ADRA2A: variants seen among roughly 807,000 people sequenced by gnomAD.
ADRA2A encodes adrenoceptor alpha 2A, also known as alpha-2A adrenergic receptor.
A neutral mutation model predicts 5.9 loss-of-function variants in ADRA2A; 6 were observed. The ratio of observed to expected loss-of-function variants is 1.01; its 90% confidence interval spans 0.55 to 2.00. The LOEUF (loss-of-function observed/expected upper bound fraction) is 2.00, where lower values mean the gene tolerates loss of function less well. ADRA2A is among the 30% of genes most tolerant of loss of function. The pLI, the probability that ADRA2A is intolerant of heterozygous loss-of-function variation, is 0.00. For missense variants in ADRA2A, 647 were observed against 690.0 expected, an observed-to-expected ratio of 0.94 and a Z score of 0.70; for synonymous variants, 345 against 325.9, an observed-to-expected ratio of 1.06 and a Z score of -0.63.
chr10:111,079,103 C>A lies in ADRA2A; in HGVS notation c.1107C>A (p.Val369=). The A allele has an allele frequency of 6.4e-7, 1 of 1,558,932 alleles. No individual in the cohort carries two copies. Among genetic ancestry groups the A allele is most frequent in the South Asian group, 1.2e-5 (1 of 83,582 alleles). Residue 369 remains valine, a synonymous_variant, in exon 1 of 1, where the codon GTC becomes GTA. Transcript: ENST00000280155. Reference sequence around the variant, plus strand: ...CTGCAGGGCCGGGGGAGGAGCGCGTCGGGGCTGCCAAGGCGTCGCGCTGGC... The same window carrying A: ...CTGCAGGGCCGGGGGAGGAGCGCGTAGGGGCTGCCAAGGCGTCGCGCTGGC... The part of the protein sequence containing the change: ...TPAAGPGEER[V]GAAKASRWRG...
At position 111,078,212 on chromosome 10, in the gene ADRA2A, C is replaced by G. The variant is rs1485132171; in HGVS notation, c.216C>G (p.Ala72=). Residue 72 remains alanine (A), a synonymous_variant, in exon 1 of 1, where the codon GCC becomes GCG. Transcript: ENST00000280155. The part of the protein sequence containing the change: ...TVFGNVLVII[A]VFTSRALKAP... ...TCGGCAACGTGCTCGTCATCATCGC[C>G]GTGTTCACGAGCCGCGCGCTCAAGG... 7 of 1,613,398 alleles carry G rather than the reference C, an allele frequency of 4.3e-6. No individual in the cohort carries two copies. In the East Asian group the frequency reaches 8.9e-5, roughly 21 times the overall value.
In ADRA2A at chr10:111,078,919, TG is replaced by T; in HGVS notation, c.925del (p.Glu309ArgfsTer33). 1.6e-6 allele frequency: 2 copies of T among 1,232,308 alleles called. No individual in the cohort carries two copies. The highest frequency in any genetic ancestry group is 1.0e-6 in the Non-Finnish European group (1 of 987,900). The allele number at this position is 1,232,308 out of a possible 1,614,324, so 76.3% of individuals were successfully genotyped here. On this transcript the variant is annotated frameshift_variant, in exon 1 of 1. Transcript: ENST00000280155. LOFTEE classifies it low-confidence loss of function (END_TRUNC). ...CCGCGCGACACCGACGCGCTGGACCTGGAGGAGAGCTCGTCTTCCGACCACG... is the reference window on the plus strand; with the variant it reads ...CCGCGCGACACCGACGCGCTGGACCTGAGGAGAGCTCGTCTTCCGACCACG... ...AGPRDTDALDLEESSSSDHAE... is the reference protein window; with the variant it reads ...AGPRDTDALDXEESSSSDHAE...
In ADRA2A at chr10:111,079,364, C is replaced by T; in HGVS notation, c.1368C>T (p.Leu456=). 6.2e-7 allele frequency: 1 copy of T among 1,614,098 alleles called. No individual in the cohort carries two copies. Among genetic ancestry groups the T allele is most frequent in the Non-Finnish European group, 8.5e-7 (1 of 1,180,028 alleles). The change falls in exon 1 of 1, where the codon CTC becomes CTT. Residue 456 remains leucine (L), a synonymous_variant. Coordinates refer to ENST00000280155, the MANE Select transcript of ADRA2A (RefSeq NM_000681.4). ...HDFRRAFKKI[L]CRGDRKRIV is the part of the protein sequence containing the mutation. ...TCCGCCGCGCCTTCAAGAAGATCCT[C>T]TGTCGGGGGGACAGGAAGCGGATCG...
rs199567917 is a variant in ADRA2A, at chr10:111,079,268, A to G, written c.1272A>G (p.Lys424=). 8,676 of 1,614,066 alleles carry G rather than the reference A, an allele frequency of 5.4e-3. 438 individuals carry two copies. In the South Asian group the frequency reaches 0.088, roughly 16 times the overall value. ...VGCSVPRTLF[K]FFFWFGYCNS... ...GCTCCGTGCCACGCACGCTCTTCAAATTCTTCTTCTGGTTCGGCTACTGCA... is the reference window on the plus strand; with the variant it reads ...GCTCCGTGCCACGCACGCTCTTCAAGTTCTTCTTCTGGTTCGGCTACTGCA... The change falls in exon 1 of 1, where the codon AAA becomes AAG. Residue 424 remains lysine, a synonymous_variant. Coordinates refer to ENST00000280155, the MANE Select transcript of ADRA2A (RefSeq NM_000681.4).
chr10:111,078,632 C>T lies in ADRA2A; in HGVS notation c.636C>T (p.Val212=). ...RCEINDQKWY[V]ISSCIGSFFA... is the part of the protein sequence containing the mutation. Reference sequence around the variant, plus strand: ...AGATCAACGACCAGAAGTGGTACGTCATCTCGTCGTGCATCGGCTCCTTCT... The same window carrying T: ...AGATCAACGACCAGAAGTGGTACGTTATCTCGTCGTGCATCGGCTCCTTCT... Residue 212 remains valine, a synonymous_variant, in exon 1 of 1, where the codon GTC becomes GTT. Transcript: ENST00000280155. 6.3e-7 allele frequency: 1 copy of T among 1,591,788 alleles called. No individual in the cohort carries two copies. The highest frequency in any genetic ancestry group is 8.6e-7 in the Non-Finnish European group (1 of 1,168,516).
rs1285869860 is a variant in ADRA2A at position 111,079,251 on chromosome 10, C to G, written c.1255C>G (p.Pro419Ala). Residue 419 changes from proline to alanine, a missense_variant, in exon 1 of 1, where the codon CCA becomes GCA. Physicochemically the swap from Pro to Ala is conservative, Grantham distance 27. Coordinates refer to ENST00000280155, the MANE Select transcript of ADRA2A (RefSeq NM_000681.4). ...YTLTAVGCSV[P>A]RTLFKFFFWF... ...GCTCACGGCCGTCGGGTGCTCCGTG[C>G]CACGCACGCTCTTCAAATTCTTCTT... is the stretch of plus-strand genomic sequence containing the variant. The G allele has an allele frequency of 6.2e-7, 1 of 1,614,112 alleles. No homozygotes were observed. Among genetic ancestry groups the G allele is most frequent in the Admixed American group, 1.7e-5 (1 of 60,032 alleles).
In ADRA2A at chr10:111,077,620, A is replaced by C. The variant is rs765450162; in HGVS notation, c.-377A>C. ...GATACAGATATTGATATGTATATATATATTTAATTTCCTGTCATCCTTCCA... is the reference window on the plus strand; with the variant it reads ...GATACAGATATTGATATGTATATATCTATTTAATTTCCTGTCATCCTTCCA... On this transcript the variant is annotated 5_prime_UTR_variant, in exon 1 of 1. Transcript: ENST00000280155. The C allele has an allele frequency of 6.5e-6, 1 of 153,182 alleles. No individual in the cohort carries two copies. The highest frequency in any genetic ancestry group is 1.5e-5 in the Non-Finnish European group (1 of 68,608). The allele number at this position is 153,182 out of a possible 1,614,324, so 9.5% of individuals were successfully genotyped here. A position where few individuals can be genotyped will look rare whatever the true frequency, so the allele number is the denominator to read the frequency against.
At position 111,078,275 on chromosome 10, in the gene ADRA2A, C is replaced by G; in HGVS notation, c.279C>G (p.Ala93=). Residue 93 remains alanine, a synonymous_variant, in exon 1 of 1, where the codon GCC becomes GCG. Transcript: ENST00000280155. The part of the protein sequence containing the change: ...QNLFLVSLAS[A]DILVATLVIP... The stretch of plus-strand genomic sequence containing the variant: ...TCTTCCTGGTGTCTCTGGCCTCGGC[C>G]GACATCCTGGTGGCCACGCTCGTCA... 6.2e-7 allele frequency: 1 copy of G among 1,613,892 alleles called. No homozygotes were observed. The highest frequency in any genetic ancestry group is 1.1e-5 in the South Asian group (1 of 91,072).
At position 111,078,351 on chromosome 10, in the gene ADRA2A, G is replaced by T. The variant is rs758523920; in HGVS notation, c.355G>T (p.Ala119Ser). The T allele has an allele frequency of 6.2e-7, 1 of 1,613,940 alleles. No homozygotes were observed. The highest frequency in any genetic ancestry group is 1.3e-5 in the African/African-American group (1 of 74,926). The change falls in exon 1 of 1, where the codon GCT becomes TCT. Residue 119 changes from alanine (A) to serine (S), a missense_variant. Ala to Ser is a moderately conservative substitution (Grantham distance 99). Coordinates refer to ENST00000280155, the MANE Select transcript of ADRA2A (RefSeq NM_000681.4). ...CATGGGCTACTGGTACTTCGGCAAGGCTTGGTGCGAGATCTACCTGGCGCT... is the reference window on the plus strand; with the variant it reads ...CATGGGCTACTGGTACTTCGGCAAGTCTTGGTGCGAGATCTACCTGGCGCT... ...EVMGYWYFGK[A>S]WCEIYLALDV...
At position 111,077,856 on chromosome 10, in the gene ADRA2A, G is replaced by T; in HGVS notation, c.-141G>T. The T allele has an allele frequency of 1.6e-6, 2 of 1,255,180 alleles. No individual in the cohort carries two copies. The highest frequency in any genetic ancestry group is 1.0e-6 in the Non-Finnish European group (1 of 999,768). 77.8% of individuals were successfully genotyped at this position (1,255,180 alleles called of 1,614,324 possible). A position where few individuals can be genotyped will look rare whatever the true frequency, so the allele number is the denominator to read the frequency against. ...GCCATGGGCCGCTAGCGGTCCTCCAGTTCGGGCCCGGCCTCCCTGCGGCCC... is the reference window on the plus strand; with the variant it reads ...GCCATGGGCCGCTAGCGGTCCTCCATTTCGGGCCCGGCCTCCCTGCGGCCC... On this transcript the variant is annotated 5_prime_UTR_variant, in exon 1 of 1. Coordinates refer to ENST00000280155, the MANE Select transcript of ADRA2A (RefSeq NM_000681.4).
chr10:111,079,363 TC>T lies in ADRA2A; in HGVS notation c.1368del (p.Cys457ValfsTer21). On this transcript the variant is annotated frameshift_variant, in exon 1 of 1. Coordinates refer to ENST00000280155, the MANE Select transcript of ADRA2A (RefSeq NM_000681.4). LOFTEE classifies it high-confidence loss of function. ...HDFRRAFKKI[L>X]CRGDRKRIV Reference sequence around the variant, plus strand: ...TTCCGCCGCGCCTTCAAGAAGATCCTCTGTCGGGGGGACAGGAAGCGGATCG... The same window carrying T: ...TTCCGCCGCGCCTTCAAGAAGATCCTTGTCGGGGGGACAGGAAGCGGATCG... The T allele has an allele frequency of 2.5e-6, 4 of 1,614,098 alleles. No individual in the cohort carries two copies. The highest frequency in any genetic ancestry group is 1.3e-5 in the African/African-American group (1 of 75,074).
In ADRA2A at chr10:111,078,960, G is replaced by A; in HGVS notation, c.964G>A (p.Gly322Arg). ...TTCCGACCACGCCGAGCGGCCTCCA[G>A]GGCCCCGCAGACCCGAGCGCGGTCC... ...SSSDHAERPP[G>R]PRRPERGPRG... is the part of the protein sequence containing the mutation. Residue 322 changes from glycine (G) to arginine (R), a missense_variant, in exon 1 of 1, where the codon GGG becomes AGG. By Grantham distance (125) the Gly-to-Arg change is moderately radical (BLOSUM62 -2). Transcript: ENST00000280155. 8.0e-7 allele frequency: 1 copy of A among 1,242,594 alleles called. No homozygotes were observed. The highest frequency in any genetic ancestry group is 3.0e-5 in the South Asian group (1 of 33,406). 77.0% of individuals were successfully genotyped at this position (1,242,594 alleles called of 1,614,324 possible).
In ADRA2A at chr10:111,077,151, GC is replaced by G. The variant is rs1413775771; in HGVS notation, c.-843del. 1 of 152,614 alleles carries G rather than the reference GC, an allele frequency of 6.6e-6. No homozygotes were observed. The allele number at this position is 152,614 out of a possible 1,614,324, so 9.5% of individuals were successfully genotyped here. A position where few individuals can be genotyped will look rare whatever the true frequency, so the allele number is the denominator to read the frequency against. ...CAACTCGCGCTGTCGTCGGACCCCG[GC>G]CCATCCAGCAGCGCTCGGCGCCCAC... On this transcript the variant is annotated 5_prime_UTR_variant, in exon 1 of 1. Coordinates refer to ENST00000280155, the MANE Select transcript of ADRA2A (RefSeq NM_000681.4).
chr10:111,078,569 C>G lies in ADRA2A; in HGVS notation c.573C>G (p.Gly191=). 1 of 1,598,988 alleles carries G rather than the reference C, an allele frequency of 6.3e-7. No individual in the cohort carries two copies. The highest frequency in any genetic ancestry group is 2.3e-5 in the East Asian group (1 of 44,010). Residue 191 remains glycine, a synonymous_variant, in exon 1 of 1, where the codon GGC becomes GGG. Coordinates refer to ENST00000280155, the MANE Select transcript of ADRA2A (RefSeq NM_000681.4). ...FPPLISIEKK[G]GGGGPQPAEP... is the part of the protein sequence containing the mutation. ...CGCTCATCTCCATCGAGAAGAAGGG[C>G]GGCGGCGGCGGCCCGCAGCCGGCCG... is the stretch of plus-strand genomic sequence containing the variant.
In ADRA2A at chr10:111,079,604, G is replaced by A; in HGVS notation, c.*210G>A. On this transcript the variant is annotated 3_prime_UTR_variant, in exon 1 of 1. Coordinates refer to ENST00000280155, the MANE Select transcript of ADRA2A (RefSeq NM_000681.4). ...CAGGCCCACACATCCCCAGTTGTTG[G>A]TTTGGCCACTCTTGACCTGGAGCCA... 3.2e-6 allele frequency: 2 copies of A among 627,020 alleles called. No individual in the cohort carries two copies. Among genetic ancestry groups the A allele is most frequent in the South Asian group, 2.0e-5 (1 of 49,918 alleles). 38.8% of individuals were successfully genotyped at this position (627,020 alleles called of 1,614,324 possible).
In ADRA2A at chr10:111,079,393, G is replaced by T; in HGVS notation, c.1397G>T (p.Ter466LeuextTer75). ...LCRGDRKRIV[*>L] ...CGGGGGGACAGGAAGCGGATCGTGTGAGGTTTCCGCTGGCGCCCGCGTAGA... is the reference window on the plus strand; with the variant it reads ...CGGGGGGACAGGAAGCGGATCGTGTTAGGTTTCCGCTGGCGCCCGCGTAGA... Residue 466 changes from the stop codon to leucine (L), a stop_lost, in exon 1 of 1, where the codon TGA becomes TTA. Transcript: ENST00000280155. 6.2e-7 allele frequency: 1 copy of T among 1,613,640 alleles called. No homozygotes were observed. The highest frequency in any genetic ancestry group is 8.5e-7 in the Non-Finnish European group (1 of 1,179,952).
Position 111,080,807 on chromosome 10 carries a change from G to A in ADRA2A, c.*1413G>A, listed in dbSNP as rs1459427458. On this transcript the variant is annotated 3_prime_UTR_variant, in exon 1 of 1. Transcript: ENST00000280155. ...CAAATGTGAAATAAATATGAATGGA[G>A]TGGTCCTCTTGTCTGTTATCTGAGT... 2 of 166,866 alleles carry A rather than the reference G, an allele frequency of 1.2e-5. No individual in the cohort carries two copies. The highest frequency in any genetic ancestry group is 2.9e-5 in the Non-Finnish European group (2 of 68,114). 10.3% of individuals were successfully genotyped at this position (166,866 alleles called of 1,614,324 possible).
At position 111,078,837 on chromosome 10, in the gene ADRA2A, G is replaced by A. The variant is rs1289034488; in HGVS notation, c.841G>A (p.Ala281Thr). ...CAGCGCGGGCCCGGGGGGCGCAGAG[G>A]CCGAACCGCTGCCCACCCAGCTCAA... ...ERSAGPGGAEAEPLPTQLNGA... is the reference protein window; with the variant it reads ...ERSAGPGGAETEPLPTQLNGA... Residue 281 changes from alanine to threonine, a missense_variant, in exon 1 of 1, where the codon GCC becomes ACC. Ala to Thr is a moderately conservative substitution (Grantham distance 58). Around this residue, in one of 3 missense-constraint regions of ADRA2A, gnomAD observed 577 missense variants for 605.4 expected, o/e 0.95. Coordinates refer to ENST00000280155, the MANE Select transcript of ADRA2A (RefSeq NM_000681.4). 2 of 1,219,814 alleles carry A rather than the reference G, an allele frequency of 1.6e-6. No homozygotes were observed. The highest frequency in any genetic ancestry group is 1.0e-6 in the Non-Finnish European group (1 of 979,772). 75.6% of individuals were successfully genotyped at this position (1,219,814 alleles called of 1,614,324 possible). A position where few individuals can be genotyped will look rare whatever the true frequency, so the allele number is the denominator to read the frequency against.
At position 111,080,247 on chromosome 10, in the gene ADRA2A, A is replaced by G. The variant is rs979985548; in HGVS notation, c.*853A>G. On this transcript the variant is annotated 3_prime_UTR_variant, in exon 1 of 1. Transcript: ENST00000280155. ...CATCAGCCCTGTGTATAAAGCCATT[A>G]TTCTCTGATGCACTGTTTGCCCCAG... 1.8e-5 allele frequency: 3 copies of G among 167,040 alleles called. No individual in the cohort carries two copies. Among genetic ancestry groups the G allele is most frequent in the African/African-American group, 7.2e-5 (3 of 41,424 alleles). The allele number at this position is 167,040 out of a possible 1,614,324, so 10.3% of individuals were successfully genotyped here. A position where few individuals can be genotyped will look rare whatever the true frequency, so the allele number is the denominator to read the frequency against.
Sources: gnomAD v4.1 joint callset for allele counts on GRCh38, gnomAD v4.1.1 for gene constraint, gnomAD v4.1.1 regional missense constraint, MANE v1.5 for transcripts, NCBI Gene and HGNC (gene_info 2026-07-23, HGNC 2026-07-21) for gene names.